LMOD1: variants seen among roughly 807,000 people sequenced by gnomAD.
The protein encoded by LMOD1 is leiomodin-1.
Under a neutral mutation model 36.5 loss-of-function variants are expected in LMOD1, and 8 were observed. The ratio of observed to expected loss-of-function variants is 0.22; its 90% confidence interval spans 0.13 to 0.40. LMOD1 has a LOEUF of 0.40. Ranked by LOEUF, LMOD1 falls within the 10% of genes least tolerant of loss-of-function variation. The pLI is 1.00. For synonymous variants in LMOD1, 284 were observed against 288.7 expected (o/e 0.98, Z 0.17); for missense variants, 630 against 751.1 (o/e 0.84, Z 1.88).
intron 1 of LMOD1, among the ~76,000 whole-genome samples, chr1:201,928,393 C>T (rs1211888451): frequency 6.6e-6 from 1 of 152,226 alleles, no homozygotes; most frequent in African/African-American, 2.4e-5. Context: ...ACTTGGGCGT[C>T]AGAAAGGCAA....
intron 1 of LMOD1, among the ~76,000 whole-genome samples, chr1:201,930,373 G>A (rs1424104623): frequency 6.6e-6 from 1 of 152,104 alleles, no homozygotes; most frequent in African/African-American, 2.4e-5. Context: ...GAATTGCGAG[G>A]AGGGGCAGAG....
intron 1 of LMOD1, among the ~76,000 whole-genome samples, chr1:201,914,020 A>G (rs762707210): frequency 1.3e-5 from 2 of 150,922 alleles, no homozygotes; most frequent in Middle Eastern, 3.4e-3. Context: ...AGATGGACCC[A>G]AAAGTGGAAC....
chr1:201,924,766 T>C (rs1681800658), intron 1 of LMOD1, among the ~76,000 whole-genome samples: 1 of 152,128 alleles, frequency 6.6e-6, no homozygotes, highest in South Asian at 2.1e-4. Context: ...GGCATGTGCC[T>C]GCAGTCGTAG....
chr1:201,943,048 G>T (rs368256420), intron 1 of LMOD1, among the ~76,000 whole-genome samples: 6 of 152,140 alleles, frequency 3.9e-5, no homozygotes, highest in African/African-American at 1.4e-4. Flanking sequence ...ACTCATGGGG[G>T]CAGGGAGATG....
At chr1:201,924,666 A>AAAGAAAGAAAGAAAGAAAGAAAG (rs1681788018) in intron 1 of LMOD1, among the ~76,000 whole-genome samples, 2 of 3,498 alleles carry the variant, frequency 5.7e-4, no homozygotes, top group African/African-American at 1.4e-3. Context: ...GAAAGAAAAA[A>AAAGAAAGAAAGAAAGAAAGAAAG]AAGAAAGAAA....
chr1:201,913,010 G>A (rs565911343), intron 1 of LMOD1, among the ~76,000 whole-genome samples: 36 of 152,192 alleles, frequency 2.4e-4, no homozygotes, highest in African/African-American at 8.2e-4. Flanking sequence ...GAGAGGCAGC[G>A]AGGCAAGGCA....
intron 1 of LMOD1, among the ~76,000 whole-genome samples, chr1:201,939,709 C>T (rs763103509): frequency 6.6e-6 from 1 of 152,100 alleles, no homozygotes; most frequent in Admixed American, 6.5e-5. Flanking sequence ...ATATTAGCGT[C>T]GCCACTCCTG....
At chr1:201,941,793 C>A (rs1682122811) in intron 1 of LMOD1, among the ~76,000 whole-genome samples, 1 of 152,178 alleles carries the variant, frequency 6.6e-6, no homozygotes, top group African/African-American at 2.4e-5. Context: ...CTCGAGTTTA[C>A]CTCTAGGGAG....
chr1:201,933,606 T>TATATATATATATATATATATATAC (rs1396160218), intron 1 of LMOD1, among the ~76,000 whole-genome samples: 3 of 14,502 alleles, frequency 2.1e-4, no homozygotes, highest in African/African-American at 2.9e-4. Flanking sequence ...TATATATATA[T>TATATATATATATATATATATATAC]ATATATATAT....
chr1:201,929,617 C>CA (rs1236253547), intron 1 of LMOD1, among the ~76,000 whole-genome samples: 5 of 152,174 alleles, frequency 3.3e-5, no homozygotes, highest in Admixed American at 6.5e-5. Context: ...AAGTTGGATA[C>CA]AAAATCATAT....
chr1:201,924,652 G>GAAAAA (rs1202826557), intron 1 of LMOD1, among the ~76,000 whole-genome samples: 2 of 134,280 alleles, frequency 1.5e-5, no homozygotes, highest in South Asian at 2.4e-4. Context: ...AAGAAAGAGA[G>GAAAAA]AAAGAAAGAA....
intron 1 of LMOD1, among the ~76,000 whole-genome samples, chr1:201,906,680 C>A (rs1376643977): frequency 6.6e-6 from 1 of 152,120 alleles, no homozygotes; most frequent in Non-Finnish European, 1.5e-5. Context: ...ATGTGGAGTG[C>A]CAAATCTTTT....
chr1:201,902,299 G>C (rs1681344487), intron 1 of LMOD1, among the ~76,000 whole-genome samples: 1 of 151,478 alleles, frequency 6.6e-6, no homozygotes, highest in South Asian at 2.1e-4. Context: ...GAATTCATTG[G>C]GTCAGCTGAT....
rs753599359 is a variant in LMOD1, at chr1:201,898,360, G to A, written c.*12C>T. 5.6e-6 allele frequency: 9 copies of A among 1,612,146 alleles called. No homozygotes were observed. Among genetic ancestry groups the A allele is most frequent in the Non-Finnish European group, 7.6e-6 (9 of 1,179,254 alleles). Reference sequence around the variant, plus strand: ...GTCATGGCATTGGCAGATGGTGCCTGGCAGCCTGGTCCTACTGAAGCAGTT... The same window carrying A: ...GTCATGGCATTGGCAGATGGTGCCTAGCAGCCTGGTCCTACTGAAGCAGTT... On this transcript the variant is annotated 3_prime_UTR_variant, in exon 3 of 3. Transcript: ENST00000367288.
At position 201,946,215 on chromosome 1, in the gene LMOD1, G is replaced by T. The variant is rs1042937450; in HGVS notation, c.126C>A (p.Asp42Glu). 1 of 1,613,992 alleles carries T rather than the reference G, an allele frequency of 6.2e-7. No individual in the cohort carries two copies. Among genetic ancestry groups the T allele is most frequent in the South Asian group, 1.1e-5 (1 of 91,080 alleles). The stretch of plus-strand genomic sequence containing the variant: ...GCCGCAGCCCCACGGGAACACTCCC[G>T]TCTGGGTCCACCACGTCCAGCTCCT... ...LEKELDVVDPDGSVPVGLRQR... is the reference protein window; with the variant it reads ...LEKELDVVDPEGSVPVGLRQR... Residue 42 changes from aspartate to glutamate, a missense_variant, in exon 1 of 3, where the codon GAC becomes GAA. Coordinates refer to ENST00000367288, the MANE Select transcript of LMOD1 (RefSeq NM_012134.3).
rs1290278027 is a variant in LMOD1, at chr1:201,899,934, A to G, written c.1079T>C (p.Val360Ala). ...RFTEALEFNTVVKLFALANTR... is the reference protein window; with the variant it reads ...RFTEALEFNTAVKLFALANTR... ...GTTGGCCAAGGCGAACAGCTTAACC[A>G]CAGTGTTGAACTCCAGAGCCTCAGT... Residue 360 changes from valine (V) to alanine (A), a missense_variant, in exon 2 of 3, where the codon GTG becomes GCG. By Grantham distance (64) the Val-to-Ala change is moderately conservative (BLOSUM62 0). Transcript: ENST00000367288. The surrounding 1 kb of genome is among the most constrained non-coding windows in gnomAD (Gnocchi z 6.3). The G allele has an allele frequency of 6.2e-6, 10 of 1,613,818 alleles. No individual in the cohort carries two copies. Among genetic ancestry groups the G allele is most frequent in the Non-Finnish European group, 8.5e-6 (10 of 1,179,874 alleles).
Position 201,900,454 on chromosome 1 carries a change from T to A in LMOD1, c.559A>T (p.Lys187Ter). ...RGEERAVATKKEEEKKGSDRN... is the reference protein window; with the variant it reads ...RGEERAVATK ...TCACTCCCTTTCTTCTCCTCTTCCT[T>A]CTTGGTGGCCACTGCCCTCTCCTCT... is the stretch of plus-strand genomic sequence containing the variant. The change falls in exon 2 of 3, where the codon AAG (lysine) becomes TAG (stop). Residue 187 changes from lysine (K) to a stop codon, truncating the protein, a stop_gained. Coordinates refer to ENST00000367288, the MANE Select transcript of LMOD1 (RefSeq NM_012134.3). LOFTEE classifies it high-confidence loss of function. The A allele has an allele frequency of 6.2e-7, 1 of 1,606,822 alleles. No homozygotes were observed. Among genetic ancestry groups the A allele is most frequent in the Non-Finnish European group, 8.5e-7 (1 of 1,176,362 alleles).
intron 1 of LMOD1, among the ~76,000 whole-genome samples, chr1:201,916,233 T>A (rs1356792465): frequency 6.6e-6 from 1 of 151,888 alleles, no homozygotes; most frequent in Non-Finnish European, 1.5e-5. Flanking sequence ...ACTTTTATGA[T>A]CAGAAAAATA....
At chr1:201,923,900 A>G (rs60687322) in intron 1 of LMOD1, among the ~76,000 whole-genome samples, 29,905 of 136,940 alleles carry the variant, frequency 0.22, 3,515 homozygotes, top group East Asian at 0.44. Flanking sequence ...AGAGAGAGAG[A>G]GAGGGAGGGA....
Sources: allele counts gnomAD v4.1 joint callset (sites outside exome capture counted in the v4.1 genomes callset), GRCh38; gene constraint gnomAD v4.1.1; non-coding constraint Gnocchi (gnomAD v3.1); transcripts MANE v1.5; gene names NCBI Gene and HGNC (gene_info 2026-07-23, HGNC 2026-07-21).